The following FARP1 variants were observed in gnomAD, a reference collection of about 807,000 sequenced individuals.
FARP1 encodes FERM, ARH/RhoGEF and pleckstrin domain protein 1.
FARP1 carries 52 observed loss-of-function variants against 128.8 expected under a neutral mutation model. The ratio of observed to expected loss-of-function variants is 0.40; its 90% CI spans 0.32 to 0.51. The LOEUF (loss-of-function observed/expected upper bound fraction) is 0.51. FARP1 is among the 20% of genes least tolerant of loss of function. The probability of loss-of-function intolerance (pLI) is 0.45; values close to 1 mark genes in which losing one functional copy is unlikely to be tolerated. For missense variants in FARP1, 1,333 were observed against 1,367.9 expected (o/e 0.97, Z 0.40); for synonymous variants, 580 against 551.8 (o/e 1.05, Z -0.72).
rs114612784 is a variant in FARP1 at position 98,362,480 on chromosome 13, T to C, written c.277-2915T>C. ...TCTCAGTTTCTTCCTTTGCGGACACTGTCATCCCATGATGTCCATGACACA... is the reference window on the plus strand; with the variant it reads ...TCTCAGTTTCTTCCTTTGCGGACACCGTCATCCCATGATGTCCATGACACA... On this transcript the variant is annotated intron_variant, in intron 3 of 26. Transcript: ENST00000319562. 4.1e-3 allele frequency among the ~76,000 whole-genome samples: 623 copies of C among 152,296 alleles called. 5 individuals carry two copies. Among genetic ancestry groups the C allele is most frequent in the African/African-American group, 0.014 (590 of 41,558 alleles).
chr13:98,298,004 G>A (rs1885772734), intron 2 of FARP1, among the ~76,000 whole-genome samples: 1 of 152,164 alleles, frequency 6.6e-6, no homozygotes, highest in Non-Finnish European at 1.5e-5. Flanking sequence ...TTTCTGATGA[G>A]AAATGGCAGA....
At chr13:98,248,625 A>T (rs139771606) in intron 2 of FARP1, among the ~76,000 whole-genome samples, 1 of 152,258 alleles carries the variant, frequency 6.6e-6, no homozygotes, top group Non-Finnish European at 1.5e-5. Flanking sequence ...GTAGTCCCCA[A>T]ATCAAGCTTG....
intron 2 of FARP1, among the ~76,000 whole-genome samples, chr13:98,272,373 G>A (rs1884432200): frequency 6.6e-6 from 1 of 152,056 alleles, no homozygotes. Context: ...CCTTTTGCAC[G>A]CTAATGGAAA....
chr13:98,199,725 T>C (rs1879812935), intron 1 of FARP1, among the ~76,000 whole-genome samples: 1 of 152,178 alleles, frequency 6.6e-6, no homozygotes, highest in Non-Finnish European at 1.5e-5. Context: ...GGCTGCAGAC[T>C]AAAAAATGCG....
At chr13:98,443,384 G>A (rs1184069236) in intron 24 of FARP1, among the ~76,000 whole-genome samples, 1 of 152,210 alleles carries the variant, frequency 6.6e-6, no homozygotes, top group Non-Finnish European at 1.5e-5. Context: ...CCCAAGGCAC[G>A]TGGCATCAAT....
At chr13:98,339,891 T>A (rs1887892715) in intron 2 of FARP1, among the ~76,000 whole-genome samples, 1 of 152,152 alleles carries the variant, frequency 6.6e-6, no homozygotes, top group African/African-American at 2.4e-5. Context: ...CTAAGGAGTG[T>A]GCAGTGCTGG....
intron 2 of FARP1, among the ~76,000 whole-genome samples, chr13:98,270,226 A>T (rs773280180): frequency 6.6e-6 from 1 of 152,212 alleles, no homozygotes; most frequent in African/African-American, 2.4e-5. Flanking sequence ...ACCATAGAAG[A>T]ACATGTGTTA....
chr13:98,308,299 C>T (rs1190044641), intron 2 of FARP1, among the ~76,000 whole-genome samples: 1 of 152,144 alleles, frequency 6.6e-6, no homozygotes, highest in Non-Finnish European at 1.5e-5. Flanking sequence ...GAATCGATTT[C>T]AAGGTCACCG....
chr13:98,270,378 C>T (rs1199527594), intron 2 of FARP1, among the ~76,000 whole-genome samples: 7 of 152,042 alleles, frequency 4.6e-5, no homozygotes, highest in African/African-American at 7.2e-5. Flanking sequence ...CAAGAGCTCT[C>T]GGTGCTCTAA....
chr13:98,145,861 C>CAAAAAAAAAA (rs140525790), intron 1 of FARP1, among the ~76,000 whole-genome samples: 1 of 131,218 alleles, frequency 7.6e-6, no homozygotes. Flanking sequence ...GACTCTGTCT[C>CAAAAAAAAAA]AAAAAAAAAA....
intron 1 of FARP1, among the ~76,000 whole-genome samples, chr13:98,184,608 GA>G (rs556266749): frequency 2.6e-5 from 4 of 152,016 alleles, no homozygotes; most frequent in Non-Finnish European, 2.9e-5. Context: ...TATTTGAAGG[GA>G]AAAAAATACC....
chr13:98,370,774 TC>T (rs1484914520), intron 5 of FARP1, among the ~76,000 whole-genome samples: 1 of 152,116 alleles, frequency 6.6e-6, no homozygotes, highest in Non-Finnish European at 1.5e-5. Context: ...GACAAAGACT[TC>T]CCACTGCTTT....
intron 2 of FARP1, 39 bp downstream of exon 2, chr13:98,213,452 G>A: frequency 6.3e-7 from 1 of 1,599,652 alleles, no homozygotes; most frequent in Non-Finnish European, 8.5e-7. Flanking sequence ...GAGTGTGGTA[G>A]GGGACAGCCT....
intron 2 of FARP1, among the ~76,000 whole-genome samples, chr13:98,309,922 G>T (rs1276596010): frequency 6.6e-6 from 1 of 152,162 alleles, no homozygotes; most frequent in African/African-American, 2.4e-5. Context: ...CTGTAATCCT[G>T]GTCTTCAGAA....
chr13:98,244,876 A>C, intron 2 of FARP1: 2 of 1,435,190 alleles, frequency 1.4e-6, no homozygotes, highest in Non-Finnish European at 1.8e-6. Context: ...AGCTGCATAC[A>C]GAGGGGCCCA....
At chr13:98,166,587 T>C (rs1158237858) in intron 1 of FARP1, among the ~76,000 whole-genome samples, 2 of 152,212 alleles carry the variant, frequency 1.3e-5, no homozygotes, top group South Asian at 2.1e-4. Flanking sequence ...GAGCAGAGAT[T>C]TGAACCCACA....
chr13:98,324,375 G>A (rs1392053818), intron 2 of FARP1, among the ~76,000 whole-genome samples: 1 of 152,132 alleles, frequency 6.6e-6, no homozygotes, highest in African/African-American at 2.4e-5. Flanking sequence ...TGCTTTTTGT[G>A]TAAGATCTAT....
chr13:98,219,105 A>G (rs1881269248), intron 2 of FARP1, among the ~76,000 whole-genome samples: 1 of 152,186 alleles, frequency 6.6e-6, no homozygotes, highest in African/African-American at 2.4e-5. Flanking sequence ...TGAGATCAAT[A>G]GGGAGCTTAT....
intron 1 of FARP1, 60 bp from the exon 2 acceptor site, chr13:98,213,160 C>T: frequency 1.4e-6 from 2 of 1,431,336 alleles, no homozygotes; most frequent in South Asian, 2.7e-5. Flanking sequence ...CAAGGTGGCA[C>T]ACAGCTTGGG....
Sources: gnomAD v4.1 joint callset for allele counts (sites outside exome capture counted in the v4.1 genomes callset) on GRCh38, gnomAD v4.1.1 for gene constraint, MANE v1.5 for transcripts, NCBI Gene and HGNC (gene_info 2026-07-23, HGNC 2026-07-21) for gene names.